HAGH: variants seen among roughly 807,000 people sequenced by gnomAD.
HAGH encodes the protein hydroxyacylglutathione hydrolase.
HAGH carries 29 observed loss-of-function variants against 35.1 expected under a neutral mutation model. The observed-to-expected ratio is 0.83, with a 90% CI of 0.62 to 1.13. HAGH has a LOEUF of 1.13. Among genes scored for constraint, HAGH ranks in the 50% most tolerant of loss-of-function variants. HAGH has a pLI of 0.00. For missense variants in HAGH, 478 were observed against 419.6 expected (o/e 1.14, Z -1.22); for synonymous variants, 225 against 176.1 (o/e 1.28, Z -2.20).
intron 1 of HAGH, among the ~76,000 whole-genome samples, chr16:1,824,069 GT>G (rs1898282855): frequency 6.6e-6 from 1 of 152,102 alleles, no homozygotes; most frequent in African/African-American, 2.4e-5. Flanking sequence ...GTTCCATGCA[GT>G]TACAGCCCTT....
intron 7 of HAGH, among the ~76,000 whole-genome samples, chr16:1,811,449 AC>A (rs1434739275): frequency 1.3e-5 from 2 of 149,738 alleles, no homozygotes; most frequent in Non-Finnish European, 3.0e-5. Context: ...GCGGTTGCTC[AC>A]ACCTGTAATC....
At chr16:1,826,607 G>A in intron 1 of HAGH, 105 bp downstream of exon 1, 14 of 980,998 alleles carry the variant, frequency 1.4e-5, no homozygotes, top group Non-Finnish European at 1.6e-5. Flanking sequence ...AGGCACCTGC[G>A]CAACAGACAC....
intron 7 of HAGH, among the ~76,000 whole-genome samples, chr16:1,815,369 T>C (rs1596919962): frequency 6.6e-6 from 1 of 152,216 alleles, no homozygotes; most frequent in Admixed American, 6.5e-5. Context: ...AAAAGACTTG[T>C]ACACAAATGT....
chr16:1,826,987 T>C, upstream of HAGH: 1 of 638,370 alleles, frequency 1.6e-6, no homozygotes, highest in East Asian at 3.0e-5. Context: ...GAGACGGGCC[T>C]GGGAGCGGCG....
intron 3 of HAGH, among the ~76,000 whole-genome samples, chr16:1,821,020 G>A (rs1274957852): frequency 6.6e-6 from 1 of 152,220 alleles, no homozygotes; most frequent in Non-Finnish European, 1.5e-5. Flanking sequence ...GCTGCAGCAA[G>A]CTGTGATGTG....
At position 1,819,043 on chromosome 16, in the gene HAGH, G is replaced by A. The variant is rs55880916; in HGVS notation, c.541+72C>T. The A allele has an allele frequency of 5.1e-3, 4,960 of 970,522 alleles. 23 individuals are homozygous for A. Among genetic ancestry groups the A allele is most frequent in the Middle Eastern group, 7.8e-3 (28 of 3,576 alleles). The allele number at this position is 970,522 out of a possible 1,614,324, so 60.1% of individuals were successfully genotyped here. A position where few individuals can be genotyped will look rare whatever the true frequency, so the allele number is the denominator to read the frequency against. On this transcript the variant is annotated intron_variant, in intron 5 of 8. Transcript: ENST00000397356. ...ACAGAGAAGGCCACGAAGCTGCCCC[G>A]TGAGCCTGCCTGGCAGGAGACACAG...
At chr16:1,811,593 A>G (rs1300500050) in intron 7 of HAGH, among the ~76,000 whole-genome samples, 1 of 152,066 alleles carries the variant, frequency 6.6e-6, no homozygotes, top group Non-Finnish European at 1.5e-5. Context: ...CATGTCTGTA[A>G]TTCCAGCTAC....
chr16:1,815,616 G>A (rs542382245), intron 7 of HAGH, among the ~76,000 whole-genome samples: 1 of 152,294 alleles, frequency 6.6e-6, no homozygotes, highest in African/African-American at 2.4e-5. Flanking sequence ...CACATGGGAG[G>A]GACACAGGAG....
At chr16:1,820,619 G>A (rs1567260469) in intron 3 of HAGH, among the ~76,000 whole-genome samples, 2 of 152,182 alleles carry the variant, frequency 1.3e-5, no homozygotes, top group African/African-American at 4.8e-5. Context: ...GGTTTCCCCA[G>A]GGGAGCCTGC....
chr16:1,825,108 G>A (rs1898338787), intron 1 of HAGH, among the ~76,000 whole-genome samples: 1 of 151,700 alleles, frequency 6.6e-6, no homozygotes, highest in Non-Finnish European at 1.5e-5. Context: ...CGCGGGGTCA[G>A]GAGTTCGAGA....
chr16:1,808,294 T>A lies in HAGH; in HGVS notation c.*989A>T, dbSNP rs1410519616. 4.0e-5 allele frequency: 6 copies of A among 151,730 alleles called. No homozygotes were observed. Among genetic ancestry groups the A allele is most frequent in the African/African-American group, 1.2e-4 (5 of 41,316 alleles). The allele number at this position is 151,730 out of a possible 1,614,324, so 9.4% of individuals were successfully genotyped here. A position where few individuals can be genotyped will look rare whatever the true frequency, so the allele number is the denominator to read the frequency against. On this transcript the variant is annotated 3_prime_UTR_variant, in exon 9 of 9. Coordinates refer to ENST00000397356, the MANE Select transcript of HAGH (RefSeq NM_005326.6). ...AGGTAACTTTTTAAAAAGATTATTA[T>A]TAAATTTCATATTTTTTTTTTTTTG...
At chr16:1,816,804 TGA>T in intron 7 of HAGH, 87 bp downstream of exon 7, 2 of 794,058 alleles carry the variant, frequency 2.5e-6, no homozygotes, top group Non-Finnish European at 4.3e-6. Context: ...GCTCAGAGTG[TGA>T]GTGTCTACCC....
chr16:1,814,604 T>C (rs1897804407), intron 7 of HAGH, among the ~76,000 whole-genome samples: 1 of 151,838 alleles, frequency 6.6e-6, no homozygotes, highest in South Asian at 2.1e-4. Context: ...AAACATCTTT[T>C]AAATATATAT....
chr16:1,822,194 A>G, intron 3 of HAGH, 106 bp downstream of exon 3: 2 of 747,094 alleles, frequency 2.7e-6, no homozygotes, highest in Non-Finnish European at 2.3e-6. Flanking sequence ...GCTTGTCCTC[A>G]CAAAGCAGAC....
chr16:1,826,684 C>T, intron 1 of HAGH, 28 bp downstream of exon 1: 2 of 998,910 alleles, frequency 2.0e-6, no homozygotes, highest in Non-Finnish European at 2.4e-6. Flanking sequence ...CCCGCGTCCC[C>T]CGGCCCGCAC....
chr16:1,809,200 CTG>C lies in HAGH; in HGVS notation c.*81_*82del. ...CTGTAAAATTAAGGTTAAATCAAGA[CTG>C]AATTTCCCGCACGGACCAGCAGGAA... is the stretch of plus-strand genomic sequence containing the variant. On this transcript the variant is annotated 3_prime_UTR_variant, in exon 9 of 9. Coordinates refer to ENST00000397356, the MANE Select transcript of HAGH (RefSeq NM_005326.6). 1 of 908,398 alleles carries C rather than the reference CTG, an allele frequency of 1.1e-6. No individual in the cohort carries two copies. Among genetic ancestry groups the C allele is most frequent in the East Asian group, 2.4e-5 (1 of 40,914 alleles). 56.3% of individuals were successfully genotyped at this position (908,398 alleles called of 1,614,324 possible). A position where few individuals can be genotyped will look rare whatever the true frequency, so the allele number is the denominator to read the frequency against.
chr16:1,819,367 C>T (rs892677050), intron 4 of HAGH, 144 bp from the exon 5 acceptor site: 46 of 608,260 alleles, frequency 7.6e-5, no homozygotes, highest in South Asian at 1.2e-4. Flanking sequence ...CTCCCCACCA[C>T]GGGACTGGGG....
upstream of HAGH, chr16:1,826,954 G>T (rs906148726): frequency 1.6e-6 from 1 of 618,222 alleles, no homozygotes; most frequent in Non-Finnish European, 2.6e-6. Flanking sequence ...TTTTGTCCGC[G>T]AGCCCCGACT....
upstream of HAGH, chr16:1,826,868 C>T: frequency 2.3e-6 from 2 of 864,084 alleles, no homozygotes; most frequent in East Asian, 3.3e-5. Context: ...TCAGCGCCCG[C>T]CTCGCGCTGC....
Sources: allele counts gnomAD v4.1 joint callset (sites outside exome capture counted in the v4.1 genomes callset), GRCh38; gene constraint gnomAD v4.1.1; transcripts MANE v1.5; gene names NCBI Gene and HGNC (gene_info 2026-07-23, HGNC 2026-07-21).